GLI2: variants seen among roughly 807,000 people sequenced by gnomAD.
The protein encoded by GLI2 is transcription activator GLI2.
Under a neutral mutation model 78.9 loss-of-function variants are expected in GLI2, and 22 were observed. That is an observed-to-expected ratio of 0.28 (90% CI 0.20 to 0.40). The LOEUF is 0.40. Ranked by LOEUF, GLI2 falls within the 10% of genes least tolerant of loss-of-function variation. The probability of loss-of-function intolerance (pLI) is 1.00; values close to 1 mark genes in which losing one functional copy is unlikely to be tolerated. For synonymous variants in GLI2, 974 were observed against 963.7 expected (o/e 1.01, Z -0.20); for missense variants, 2,097 against 2,213.2 (o/e 0.95, Z 1.05).
At chr2:120,885,927 C>T (rs1237240752) in intron 2 of GLI2, among the ~76,000 whole-genome samples, 1 of 152,180 alleles carries the variant, frequency 6.6e-6, no homozygotes, top group African/African-American at 2.4e-5. Context: ...TTCTGTCATT[C>T]TTTGGCTCTA....
chr2:120,933,938 G>A (rs1428587184), intron 3 of GLI2, among the ~76,000 whole-genome samples: 4 of 151,370 alleles, frequency 2.6e-5, no homozygotes, highest in African/African-American at 4.8e-5. Context: ...CCAGAAGGGC[G>A]TACAGAAACT....
At chr2:120,759,787 T>C (rs1324612274) in intron 1 of GLI2, among the ~76,000 whole-genome samples, 1 of 152,252 alleles carries the variant, frequency 6.6e-6, no homozygotes, top group Admixed American at 6.5e-5. Flanking sequence ...AACCCTCTCT[T>C]CTGCCTTGGA....
chr2:120,901,473 C>T (rs917918583), intron 2 of GLI2, among the ~76,000 whole-genome samples: 1 of 152,176 alleles, frequency 6.6e-6, no homozygotes, highest in African/African-American at 2.4e-5. Context: ...AGGCGGCTTC[C>T]GCTGGGCCGG....
At chr2:120,914,220 C>T (rs1010942270) in intron 2 of GLI2, among the ~76,000 whole-genome samples, 9 of 152,168 alleles carry the variant, frequency 5.9e-5, no homozygotes, top group African/African-American at 2.2e-4. Context: ...TGTATACTGT[C>T]AAATGAGTAT....
At chr2:120,977,814 G>C (rs1682528949) in intron 9 of GLI2, among the ~76,000 whole-genome samples, 2 of 152,192 alleles carry the variant, frequency 1.3e-5, no homozygotes. Context: ...CGACTGCCAG[G>C]GCCCTGTGCA....
chr2:120,897,356 T>G (rs993689341), intron 2 of GLI2, among the ~76,000 whole-genome samples: 11 of 152,136 alleles, frequency 7.2e-5, no homozygotes. Context: ...CTCAAGAGCC[T>G]GAACACTACC....
At chr2:120,900,550 G>A (rs532025966) in intron 2 of GLI2, among the ~76,000 whole-genome samples, 12 of 152,312 alleles carry the variant, frequency 7.9e-5, no homozygotes, top group African/African-American at 2.9e-4. Flanking sequence ...TCGCTGCCTT[G>A]GTTTCCCTTC....
At position 120,988,292 on chromosome 2, in the gene GLI2, C is replaced by T. The variant is rs965947206; in HGVS notation, c.2327C>T (p.Ala776Val). Residue 776 changes from alanine to valine, a missense_variant, in exon 14 of 14, where the codon GCG (alanine) becomes GTG (valine). Transcript: ENST00000361492. ...LPNPRLSELS[A>V]SEVTMLSQLQ... ...AACCCGCGGCTGTCGGAGCTGTCCGCGAGCGAGGTGACCATGCTGAGCCAG... is the reference window on the plus strand; with the variant it reads ...AACCCGCGGCTGTCGGAGCTGTCCGTGAGCGAGGTGACCATGCTGAGCCAG... The T allele has an allele frequency of 2.6e-6, 4 of 1,564,688 alleles. No individual in the cohort carries two copies. The highest frequency in any genetic ancestry group is 3.4e-6 in the Non-Finnish European group (4 of 1,160,602).
intron 2 of GLI2, among the ~76,000 whole-genome samples, chr2:120,864,669 G>A (rs752062398): frequency 2.6e-5 from 4 of 152,064 alleles, no homozygotes; most frequent in Middle Eastern, 3.2e-3. Context: ...GGATGGTCTC[G>A]ATCTCTTGAC....
chr2:120,992,394 A>G lies in GLI2; in HGVS notation c.*1719A>G, dbSNP rs1573748578. 6.6e-6 allele frequency: 1 copy of G among 152,198 alleles called. No individual in the cohort carries two copies. The highest frequency in any genetic ancestry group is 1.5e-5 in the Non-Finnish European group (1 of 68,050). 9.4% of individuals were successfully genotyped at this position (152,198 alleles called of 1,614,324 possible). On this transcript the variant is annotated 3_prime_UTR_variant, in exon 14 of 14. Coordinates refer to ENST00000361492, the MANE Select transcript of GLI2 (RefSeq NM_001374353.1). Reference sequence around the variant, plus strand: ...GTAGGTGAGTCGTCCAGCCAAATTTATATCTCCAAAACATTTTTAGCTTTT... The same window carrying G: ...GTAGGTGAGTCGTCCAGCCAAATTTGTATCTCCAAAACATTTTTAGCTTTT...
intron 2 of GLI2, among the ~76,000 whole-genome samples, chr2:120,824,108 G>A (rs1243979838): frequency 6.6e-6 from 1 of 152,196 alleles, no homozygotes; most frequent in Non-Finnish European, 1.5e-5. Context: ...ATTCCGTTGG[G>A]ATGACTTTGT....
intron 1 of GLI2, among the ~76,000 whole-genome samples, chr2:120,752,595 T>C (rs1312251133): frequency 6.6e-6 from 1 of 152,174 alleles, no homozygotes; most frequent in African/African-American, 2.4e-5. Flanking sequence ...TTTATACTTA[T>C]TTATTGAATA....
At chr2:120,947,660 A>AC (rs1680777305) in intron 3 of GLI2, among the ~76,000 whole-genome samples, 1 of 151,736 alleles carries the variant, frequency 6.6e-6, no homozygotes, top group Non-Finnish European at 1.5e-5. Context: ...ATGCATATAA[A>AC]CCCCCTACCA....
intron 11 of GLI2, 95 bp downstream of exon 11, chr2:120,982,975 C>T (rs373211749): frequency 2.5e-6 from 3 of 1,214,474 alleles, no homozygotes; most frequent in East Asian, 2.4e-5. Context: ...TAGCCAGGTG[C>T]CCCATGTCCC....
rs1683140850 is a variant in GLI2, at chr2:120,989,060, C to T, written c.3095C>T (p.Pro1032Leu). The T allele has an allele frequency of 6.2e-7, 1 of 1,609,906 alleles. No homozygotes were observed. The highest frequency in any genetic ancestry group is 1.3e-5 in the African/African-American group (1 of 75,054). Reference sequence around the variant, plus strand: ...GCGGCAGGAGTGGACGGCGCGGGGCCCGAGGCCGACCTGGGGCTGCCGGAG... The same window carrying T: ...GCGGCAGGAGTGGACGGCGCGGGGCTCGAGGCCGACCTGGGGCTGCCGGAG... ...AVAAGVDGAG[P>L]EADLGLPEDD... Residue 1032 changes from proline (P) to leucine (L), a missense_variant, in exon 14 of 14, where the codon CCC becomes CTC. Coordinates refer to ENST00000361492, the MANE Select transcript of GLI2 (RefSeq NM_001374353.1).
intron 2 of GLI2, among the ~76,000 whole-genome samples, chr2:120,925,541 G>A (rs1029276514): frequency 1.3e-5 from 2 of 152,328 alleles, no homozygotes; most frequent in East Asian, 1.9e-4. Context: ...GACATTATGC[G>A]AAGTGAAATA....
intron 5 of GLI2, among the ~76,000 whole-genome samples, chr2:120,958,008 C>T (rs577306356): frequency 9.4e-4 from 143 of 152,268 alleles, no homozygotes; most frequent in Non-Finnish European, 1.5e-3. Context: ...GAGGGCCAGC[C>T]GGGCCAGGTG....
intron 2 of GLI2, among the ~76,000 whole-genome samples, chr2:120,830,850 G>C (rs1017876318): frequency 6.6e-6 from 1 of 151,964 alleles, no homozygotes; most frequent in Non-Finnish European, 1.5e-5. Flanking sequence ...CTCTCTCACT[G>C]TTTCTTTGTC....
chr2:120,801,764 G>A (rs376317199), intron 2 of GLI2, among the ~76,000 whole-genome samples: 2 of 152,214 alleles, frequency 1.3e-5, no homozygotes, highest in African/African-American at 4.8e-5. Context: ...CCAGGCTGGT[G>A]TGGTCAGAGC....
Sources: allele counts gnomAD v4.1 joint callset (sites outside exome capture counted in the v4.1 genomes callset), GRCh38; gene constraint gnomAD v4.1.1; transcripts MANE v1.5; gene names NCBI Gene and HGNC (gene_info 2026-07-23, HGNC 2026-07-21).